The following ZNF98 variants were observed in gnomAD, a reference collection of about 807,000 sequenced individuals.
ZNF98 encodes the protein zinc finger protein 739.
Under a neutral mutation model 12.8 loss-of-function variants are expected in ZNF98, and 8 were observed. The observed-to-expected ratio is 0.63, with a 90% CI of 0.37 to 1.13. The LOEUF is 1.13. ZNF98 is among the 50% of genes most tolerant of loss of function. The probability of loss-of-function intolerance (pLI) is 0.01; values close to 1 mark genes in which losing one functional copy is unlikely to be tolerated. For synonymous variants in ZNF98, 112 were observed against 223.5 expected (o/e 0.50, Z 4.45); for missense variants, 379 against 666.1 (o/e 0.57, Z 4.74).
At chr19:22,404,802 A>AT (rs920942681) in intron 1 of ZNF98, among the ~76,000 whole-genome samples, 12 of 151,414 alleles carry the variant, frequency 7.9e-5, no homozygotes, top group Non-Finnish European at 1.5e-4. Flanking sequence ...TCTCCTAATA[A>AT]TTTTTTTTTC....
At chr19:22,406,620 A>C (rs1320573030) in intron 1 of ZNF98, among the ~76,000 whole-genome samples, 1 of 152,090 alleles carries the variant, frequency 6.6e-6, no homozygotes, top group East Asian at 1.9e-4. Flanking sequence ...AATCGAGACC[A>C]TCCTGGCTAA....
chr19:22,422,152 A>G (rs1279962099), intron 1 of ZNF98, 43 bp downstream of exon 1: 1 of 1,612,158 alleles, frequency 6.2e-7, no homozygotes, highest in East Asian at 2.2e-5. Context: ...GGTTCCAACC[A>G]GCCCCTTCTC....
intron 1 of ZNF98, among the ~76,000 whole-genome samples, chr19:22,416,582 G>A (rs932554568): frequency 6.6e-6 from 1 of 150,710 alleles, no homozygotes; most frequent in Admixed American, 6.6e-5. Flanking sequence ...TCAAGACCCT[G>A]TCTCTACTAA....
rs573910618 is a variant in ZNF98 at position 22,402,712 on chromosome 19, G to T, written c.253+77C>A. 4.4e-5 allele frequency: 48 copies of T among 1,095,240 alleles called. 1 individual carries two copies. Among genetic ancestry groups the T allele is most frequent in the African/African-American group, 4.1e-4 (24 of 58,994 alleles). The allele number at this position is 1,095,240 out of a possible 1,614,324, so 67.8% of individuals were successfully genotyped here. A position where few individuals can be genotyped will look rare whatever the true frequency, so the allele number is the denominator to read the frequency against. On this transcript the variant is annotated intron_variant, in intron 3 of 3. Coordinates refer to ENST00000357774, the MANE Select transcript of ZNF98 (RefSeq NM_001098626.2). ...GAACACAGATTTCAAATCATTTTAA[G>T]GAATGGCTTTTTTTTTTTTTCTACT...
chr19:22,391,219 C>G lies in ZNF98; in HGVS notation c.*297G>C, dbSNP rs1969317684. ...TCTTCAAAATAAATCCTCTTCAGCA[C>G]TTTAAATGCTTATATTTTCTGAACT... On this transcript the variant is annotated 3_prime_UTR_variant, in exon 4 of 4. Coordinates refer to ENST00000357774, the MANE Select transcript of ZNF98 (RefSeq NM_001098626.2). 5.0e-6 allele frequency: 2 copies of G among 401,566 alleles called. No homozygotes were observed. The highest frequency in any genetic ancestry group is 4.1e-5 in the African/African-American group (2 of 48,224). The allele number at this position is 401,566 out of a possible 1,614,324, so 24.9% of individuals were successfully genotyped here. A position where few individuals can be genotyped will look rare whatever the true frequency, so the allele number is the denominator to read the frequency against.
rs752516636 is a variant in ZNF98, at chr19:22,403,451, T to C, written c.92A>G (p.Asp31Gly). 1.2e-6 allele frequency: 2 copies of C among 1,610,318 alleles called. No individual in the cohort carries two copies. The highest frequency in any genetic ancestry group is 2.2e-5 in the East Asian group (1 of 44,840). Residue 31 changes from aspartate (D) to glycine (G), a missense_variant, in exon 2 of 4, where the codon GAC becomes GGC. Around this residue, in one of 8 missense-constraint regions of ZNF98, gnomAD observed 223 missense variants for 261.6 expected, o/e 0.85. Transcript: ENST00000357774. Reference sequence around the variant, plus strand: ...CCTATATAAATTCTGCTGTGCGGTGTCCAGGCATTGCCACTCCTCCAGAGA... The same window carrying C: ...CCTATATAAATTCTGCTGTGCGGTGCCCAGGCATTGCCACTCCTCCAGAGA... ...EFSLEEWQCL[D>G]TAQQNLYRNV...
chr19:22,402,091 G>A (rs1277073768), intron 3 of ZNF98, among the ~76,000 whole-genome samples: 8 of 144,876 alleles, frequency 5.5e-5, no homozygotes, highest in South Asian at 2.2e-4. Flanking sequence ...CAGAAGAATC[G>A]CTTGAACCCA....
In ZNF98 at chr19:22,397,104, G is replaced by A. The variant is rs1489794318; in HGVS notation, c.254-4123C>T. Among the ~76,000 whole-genome samples the A allele has an allele frequency of 2.2e-5, 3 of 136,990 alleles. No homozygotes were observed. The Admixed American group carries it at 2.3e-4, about 11-fold the overall frequency. 89.9% of individuals were successfully genotyped at this position (136,990 alleles called of 152,430 possible). On this transcript the variant is annotated intron_variant, in intron 3 of 3. Coordinates refer to ENST00000357774, the MANE Select transcript of ZNF98 (RefSeq NM_001098626.2). ...ACTGCACTCCAGCCTGGGACACAGA[G>A]TGAGACTCTGTCTCAAAAAAAAACA...
intron 3 of ZNF98, among the ~76,000 whole-genome samples, chr19:22,397,615 T>A (rs1017845985): frequency 1.3e-5 from 2 of 148,554 alleles, no homozygotes; most frequent in African/African-American, 5.0e-5. Flanking sequence ...TCTGAAAAAT[T>A]AACAAATATA....
chr19:22,401,780 C>T (rs562964624), intron 3 of ZNF98, among the ~76,000 whole-genome samples: 455 of 151,538 alleles, frequency 3.0e-3, no homozygotes, highest in Non-Finnish European at 5.7e-3. Flanking sequence ...CCACCATGCC[C>T]GGCTGAAAGA....
chr19:22,419,850 A>G (rs1969684845), intron 1 of ZNF98, among the ~76,000 whole-genome samples: 1 of 152,116 alleles, frequency 6.6e-6, no homozygotes, highest in Non-Finnish European at 1.5e-5. Context: ...TTACCCTGCA[A>G]TAAAATGAAG....
intron 3 of ZNF98, among the ~76,000 whole-genome samples, chr19:22,401,223 A>G (rs1231392101): frequency 4.6e-5 from 7 of 152,024 alleles, no homozygotes; most frequent in Non-Finnish European, 1.0e-4. Flanking sequence ...TTTAAAACCT[A>G]ATTAAAGTAA....
intron 1 of ZNF98, among the ~76,000 whole-genome samples, chr19:22,410,955 A>G (rs1969573884): frequency 1.3e-5 from 2 of 152,212 alleles, no homozygotes; most frequent in African/African-American, 2.4e-5. Context: ...CCTCCATCTT[A>G]AAGTATCATA....
chr19:22,422,346 C>T lies in ZNF98; in HGVS notation c.-122G>A. ...CTCCGGCTGCAGCGAGAGACAAAGA[C>T]CCCGCCACATCCCGGAAGCCGCCCT... On this transcript the variant is annotated 5_prime_UTR_variant, in exon 1 of 4. Coordinates refer to ENST00000357774, the MANE Select transcript of ZNF98 (RefSeq NM_001098626.2). 8.1e-7 allele frequency: 1 copy of T among 1,235,868 alleles called. No homozygotes were observed. The highest frequency in any genetic ancestry group is 1.2e-6 in the Non-Finnish European group (1 of 850,316). The allele number at this position is 1,235,868 out of a possible 1,614,324, so 76.6% of individuals were successfully genotyped here. A position where few individuals can be genotyped will look rare whatever the true frequency, so the allele number is the denominator to read the frequency against.
chr19:22,413,603 G>C (rs574925159), intron 1 of ZNF98, among the ~76,000 whole-genome samples: 1 of 152,206 alleles, frequency 6.6e-6, no homozygotes, highest in Admixed American at 6.5e-5. Context: ...AGGTGCGGTG[G>C]CTCACACCTG....
At chr19:22,416,494 G>T (rs906094591) in intron 1 of ZNF98, among the ~76,000 whole-genome samples, 2 of 151,618 alleles carry the variant, frequency 1.3e-5, no homozygotes, top group African/African-American at 4.9e-5. Context: ...AAAGTATGGT[G>T]TCCGGGTGCA....
intron 1 of ZNF98, among the ~76,000 whole-genome samples, chr19:22,415,642 G>T (rs1259228293): frequency 6.9e-6 from 1 of 144,238 alleles, no homozygotes; most frequent in African/African-American, 2.5e-5. Context: ...AAATTAGCCA[G>T]GTCTGGTGGT....
chr19:22,412,004 T>C (rs181830089), intron 1 of ZNF98, among the ~76,000 whole-genome samples: 6 of 152,284 alleles, frequency 3.9e-5, no homozygotes, highest in Non-Finnish European at 7.4e-5. Flanking sequence ...TGGGCACTAA[T>C]AGACACATTA....
At chr19:22,410,462 A>C in intron 1 of ZNF98, among the ~76,000 whole-genome samples, 1 of 152,208 alleles carries the variant, frequency 6.6e-6, no homozygotes, top group East Asian at 1.9e-4. Flanking sequence ...AACATGGATT[A>C]AGCTGGAAGT....
Sources: gnomAD v4.1 joint callset for allele counts (sites outside exome capture counted in the v4.1 genomes callset) on GRCh38, gnomAD v4.1.1 for gene constraint, gnomAD v4.1.1 regional missense constraint, MANE v1.5 for transcripts, NCBI Gene and HGNC (gene_info 2026-07-23, HGNC 2026-07-21) for gene names.